Variants in MACROD2 observed in about 807,000 individuals in gnomAD.
MACROD2 encodes mono-ADP ribosylhydrolase 2, also known as ADP-ribose glycohydrolase MACROD2.
Under a neutral mutation model 70.4 loss-of-function variants are expected in MACROD2, and 36 were observed. The observed-to-expected ratio is 0.51, with a 90% CI of 0.39 to 0.68. The LOEUF (loss-of-function observed/expected upper bound fraction) is 0.68. Ranked by LOEUF, MACROD2 falls within the 30% of genes least tolerant of loss-of-function variation. MACROD2 has a pLI of 0.00. For missense variants in MACROD2, 496 were observed against 538.4 expected (o/e 0.92, Z 0.78); for synonymous variants, 172 against 178.8 (o/e 0.96, Z 0.30).
intron 8 of MACROD2, among the ~76,000 whole-genome samples, chr20:15,541,576 T>C: frequency 6.6e-6 from 1 of 152,174 alleles, no homozygotes; most frequent in Non-Finnish European, 1.5e-5. Flanking sequence ...AAGCAGCATC[T>C]GGTTTGATAT....
chr20:14,793,447 GC>G (rs1600669353), intron 5 of MACROD2, among the ~76,000 whole-genome samples: 2 of 147,022 alleles, frequency 1.4e-5, no homozygotes, highest in South Asian at 4.3e-4. Context: ...CCCCCACCAT[GC>G]CCCCCGCCAG....
In MACROD2 at chr20:15,991,034, T is replaced by C. The variant is rs560702661; in HGVS notation, c.1153+3876T>C. On this transcript the variant is annotated intron_variant, in intron 15 of 17. Transcript: ENST00000684519. ...AGTTATTGTACCCTATTGATAAAAA[T>C]ATAGAGGTGCCCTAGGCCAGGCAAA... Among the ~76,000 whole-genome samples, 7 of 140,606 alleles carry C rather than the reference T, an allele frequency of 5.0e-5. No homozygotes were observed. The South Asian group carries it at 1.7e-3, about 33-fold the overall frequency. 92.2% of individuals were successfully genotyped at this position (140,606 alleles called of 152,430 possible). A position where few individuals can be genotyped will look rare whatever the true frequency, so the allele number is the denominator to read the frequency against.
At chr20:15,311,870 A>G (rs987784639) in intron 6 of MACROD2, among the ~76,000 whole-genome samples, 7 of 152,114 alleles carry the variant, frequency 4.6e-5, no homozygotes, top group African/African-American at 1.7e-4. Flanking sequence ...TTGTTTCTCA[A>G]ACCTCAGCGT....
At chr20:15,293,526 A>G (rs2077559658) in intron 6 of MACROD2, among the ~76,000 whole-genome samples, 1 of 152,246 alleles carries the variant, frequency 6.6e-6, no homozygotes, top group Non-Finnish European at 1.5e-5. Flanking sequence ...AACATGTTGA[A>G]GCTTGCTAGG....
chr20:15,589,901 A>G (rs2048654661), intron 8 of MACROD2, among the ~76,000 whole-genome samples: 1 of 152,186 alleles, frequency 6.6e-6, no homozygotes, highest in Admixed American at 6.5e-5. Flanking sequence ...TGTGGTTTCT[A>G]GAGTACACAA....
At chr20:14,919,072 T>G (rs554673652) in intron 5 of MACROD2, among the ~76,000 whole-genome samples, 5 of 152,324 alleles carry the variant, frequency 3.3e-5, no homozygotes, top group African/African-American at 1.2e-4. Flanking sequence ...TTGCGGTGTT[T>G]ATATTTGAGG....
intron 6 of MACROD2, among the ~76,000 whole-genome samples, chr20:15,271,801 T>C (rs2077348886): frequency 1.3e-5 from 2 of 152,222 alleles, no homozygotes; most frequent in South Asian, 4.1e-4. Flanking sequence ...TAGTCCAGCA[T>C]GGGTGAAGCC....
At chr20:14,880,126 CAGAA>C in intron 5 of MACROD2, among the ~76,000 whole-genome samples, 2 of 152,174 alleles carry the variant, frequency 1.3e-5, no homozygotes, top group Middle Eastern at 6.8e-3. Flanking sequence ...ACTTGAGACG[CAGAA>C]TCAATTCATT....
chr20:14,334,267 T>G (rs1258395725), intron 3 of MACROD2, among the ~76,000 whole-genome samples: 1 of 152,198 alleles, frequency 6.6e-6, no homozygotes, highest in Non-Finnish European at 1.5e-5. Flanking sequence ...CCAAATTGAG[T>G]GATGTCGATC....
chr20:15,764,901 C>T (rs1263881673), intron 8 of MACROD2, among the ~76,000 whole-genome samples: 3 of 152,118 alleles, frequency 2.0e-5, no homozygotes, highest in African/African-American at 7.2e-5. Context: ...TGGTTTTCTC[C>T]TTCTGCTCTC....
intron 6 of MACROD2, among the ~76,000 whole-genome samples, chr20:15,291,564 A>G (rs577317801): frequency 1.7e-4 from 26 of 152,342 alleles, no homozygotes; most frequent in African/African-American, 4.6e-4. Context: ...CCCCATACCT[A>G]TAAGACATTA....
At chr20:15,032,271 CAG>C (rs918795167) in intron 5 of MACROD2, among the ~76,000 whole-genome samples, 1 of 152,192 alleles carries the variant, frequency 6.6e-6, no homozygotes, top group Non-Finnish European at 1.5e-5. Flanking sequence ...CCTGGGAACT[CAG>C]GGCTCCCGCC....
At chr20:15,206,778 G>A (rs1431580985) in intron 5 of MACROD2, among the ~76,000 whole-genome samples, 2 of 116,266 alleles carry the variant, frequency 1.7e-5, no homozygotes, top group South Asian at 2.7e-4. Context: ...CGCCCAGGCC[G>A]GACTGCGGAC....
intron 17 of MACROD2, among the ~76,000 whole-genome samples, chr20:16,047,223 G>A (rs2067395177): frequency 6.6e-6 from 1 of 152,086 alleles, no homozygotes; most frequent in Admixed American, 6.5e-5. Flanking sequence ...CAGAAAGAAG[G>A]AACCCTTGCT....
At chr20:13,998,291 A>G (rs1036858227) in intron 1 of MACROD2, among the ~76,000 whole-genome samples, 43 of 152,148 alleles carry the variant, frequency 2.8e-4, no homozygotes, top group African/African-American at 9.4e-4. Flanking sequence ...GTCCTAATTC[A>G]GAACCACTAA....
chr20:15,181,642 A>AT (rs1382131250), intron 5 of MACROD2, among the ~76,000 whole-genome samples: 4 of 152,042 alleles, frequency 2.6e-5, no homozygotes, highest in African/African-American at 9.7e-5. Flanking sequence ...TTGTTGTTGT[A>AT]TTTGGATAGC....
At chr20:14,555,296 C>G (rs1600380331) in intron 4 of MACROD2, among the ~76,000 whole-genome samples, 1 of 151,994 alleles carries the variant, frequency 6.6e-6, no homozygotes, top group East Asian at 1.9e-4. Flanking sequence ...AGAATTCCCC[C>G]AAATTCTAGT....
chr20:15,484,466 T>C (rs1462398951), intron 7 of MACROD2, among the ~76,000 whole-genome samples: 2 of 152,128 alleles, frequency 1.3e-5, no homozygotes, highest in Non-Finnish European at 2.9e-5. Context: ...AAACTGGAAT[T>C]AGGCATTTCC....
intron 5 of MACROD2, among the ~76,000 whole-genome samples, chr20:14,954,719 A>AATATATAAATATATAAAT (rs1274520744): frequency 3.1e-5 from 1 of 32,630 alleles, no homozygotes; most frequent in Non-Finnish European, 8.0e-5. Context: ...TAAATATATA[A>AATATATAAATATATAAAT]ATGTATAAAT....
Sources: allele counts gnomAD v4.1 joint callset (sites outside exome capture counted in the v4.1 genomes callset), GRCh38; gene constraint gnomAD v4.1.1; transcripts MANE v1.5; gene names NCBI Gene and HGNC (gene_info 2026-07-23, HGNC 2026-07-21).